ABHD6: variants seen among roughly 807,000 people sequenced by gnomAD.
ABHD6 encodes abhydrolase domain containing 6, acylglycerol lipase.
In ABHD6, 33 loss-of-function variants were observed where a neutral mutation model predicts 38.8. The observed-to-expected ratio is 0.85, with a 90% CI of 0.64 to 1.14. The LOEUF is 1.14. Among genes scored for constraint, ABHD6 ranks in the 50% most tolerant of loss-of-function variants. The pLI is 0.00. For missense variants in ABHD6, 380 were observed against 422.6 expected (o/e 0.90, Z 0.88); for synonymous variants, 147 against 161.6 (o/e 0.91, Z 0.69).
At chr3:58,281,853 T>C (rs1227067422) in intron 7 of ABHD6, among the ~76,000 whole-genome samples, 1 of 152,224 alleles carries the variant, frequency 6.6e-6, no homozygotes, top group Non-Finnish European at 1.5e-5. Flanking sequence ...CGGTGGTTCA[T>C]GCCTGTAATC....
intron 2 of ABHD6, 33 bp downstream of exon 2, chr3:58,249,975 C>T (rs904079048): frequency 6.6e-6 from 1 of 152,096 alleles, no homozygotes; most frequent in Non-Finnish European, 1.5e-5. Context: ...ATAGATTTCC[C>T]CCAAAAGGCA....
Position 58,285,572 on chromosome 3 carries a change from G to C in ABHD6, c.837+119G>C, listed in dbSNP as rs935364300. The C allele has an allele frequency of 4.6e-6, 4 of 861,968 alleles. No homozygotes were observed. Among genetic ancestry groups the C allele is most frequent in the Non-Finnish European group, 7.6e-6 (4 of 528,610 alleles). 53.4% of individuals were successfully genotyped at this position (861,968 alleles called of 1,614,324 possible). A position where few individuals can be genotyped will look rare whatever the true frequency, so the allele number is the denominator to read the frequency against. On this transcript the variant is annotated intron_variant, in intron 9 of 9. Coordinates refer to ENST00000478253, the MANE Select transcript of ABHD6 (RefSeq NM_001320126.2). The surrounding 1 kb of genome is among the most constrained non-coding windows in gnomAD (Gnocchi z 4.9). ...GAGCTGATCGCTGCTGTCAGGAAGA[G>C]GGGGAAGGCACCTGTGTTGGGTGCC...
chr3:58,280,953 T>C (rs2097452722), intron 7 of ABHD6, among the ~76,000 whole-genome samples: 1 of 152,156 alleles, frequency 6.6e-6, no homozygotes, highest in Non-Finnish European at 1.5e-5. Flanking sequence ...TGCTGCCTGA[T>C]CCTTCCTCTG....
At chr3:58,288,216 A>G (rs1034508591) in intron 9 of ABHD6, among the ~76,000 whole-genome samples, 1 of 152,092 alleles carries the variant, frequency 6.6e-6, no homozygotes, top group African/African-American at 2.4e-5. Flanking sequence ...CTGCTCTGTC[A>G]TCAACATTTG....
intron 3 of ABHD6, among the ~76,000 whole-genome samples, chr3:58,261,626 T>C (rs1302549392): frequency 6.6e-6 from 1 of 152,124 alleles, no homozygotes; most frequent in Non-Finnish European, 1.5e-5. Context: ...GGGATTACAG[T>C]TGTGAGCCAC....
intron 5 of ABHD6, among the ~76,000 whole-genome samples, chr3:58,270,589 A>T (rs2097444160): frequency 6.6e-6 from 1 of 151,788 alleles, no homozygotes; most frequent in African/African-American, 2.4e-5. Flanking sequence ...TGGGAGGATC[A>T]CCTGAGCCCC....
At chr3:58,250,204 G>C (rs548192039) in intron 2 of ABHD6, among the ~76,000 whole-genome samples, 2 of 152,272 alleles carry the variant, frequency 1.3e-5, no homozygotes, top group African/African-American at 4.8e-5. Flanking sequence ...GAGTCTGGAA[G>C]GCATGGGTTC....
intron 3 of ABHD6, among the ~76,000 whole-genome samples, chr3:58,258,976 G>A (rs1449578907): frequency 1.3e-5 from 2 of 152,158 alleles, no homozygotes; most frequent in African/African-American, 2.4e-5. Flanking sequence ...GTGCTTTGTG[G>A]GCTAAGGCTC....
chr3:58,277,870 T>G (rs1258608729), intron 7 of ABHD6, among the ~76,000 whole-genome samples: 1 of 152,254 alleles, frequency 6.6e-6, no homozygotes, highest in Non-Finnish European at 1.5e-5. Flanking sequence ...GAGATAATCA[T>G]GTGGTGTTTG....
In ABHD6 at chr3:58,263,069, G is replaced by A. The variant is rs186291738; in HGVS notation, c.120-4120G>A. Among the ~76,000 whole-genome samples the A allele has an allele frequency of 5.1e-4, 77 of 152,308 alleles. No homozygotes were observed. The highest frequency in any genetic ancestry group is 1.8e-3 in the African/African-American group (76 of 41,560). ...CTACAAATACGAAAATTAGCCAGGC[G>A]TGGTGGCACGCGCCTGTAGTCCCAG... On this transcript the variant is annotated intron_variant, in intron 3 of 9. Coordinates refer to ENST00000478253, the MANE Select transcript of ABHD6 (RefSeq NM_001320126.2). The surrounding 1 kb of genome is among the most constrained non-coding windows in gnomAD (Gnocchi z 4.9).
intron 7 of ABHD6, among the ~76,000 whole-genome samples, chr3:58,277,658 T>C (rs1262637969): frequency 6.6e-6 from 1 of 152,024 alleles, no homozygotes; most frequent in Non-Finnish European, 1.5e-5. Context: ...TGAATAGGAG[T>C]GGTGAGAGAG....
chr3:58,262,412 G>A (rs912318777), intron 3 of ABHD6, among the ~76,000 whole-genome samples: 19 of 152,178 alleles, frequency 1.2e-4, no homozygotes, highest in African/African-American at 3.9e-4. Context: ...TGAGGACTCT[G>A]GGCTCCAGGA....
intron 7 of ABHD6, among the ~76,000 whole-genome samples, chr3:58,284,746 C>T (rs529459737): frequency 3.0e-4 from 45 of 152,190 alleles, no homozygotes; most frequent in Non-Finnish European, 3.8e-4. Context: ...CCACCATGCC[C>T]GGCCCATCCT....
intron 7 of ABHD6, among the ~76,000 whole-genome samples, chr3:58,275,283 CAG>C (rs1349184027): frequency 6.8e-5 from 10 of 147,256 alleles, no homozygotes; most frequent in Admixed American, 3.4e-4. Context: ...GGGGCTAAAT[CAG>C]AGATACTCAA....
intron 1 of ABHD6, among the ~76,000 whole-genome samples, chr3:58,248,681 A>G (rs2107422246): frequency 6.6e-6 from 1 of 152,332 alleles, no homozygotes; most frequent in East Asian, 1.9e-4. Flanking sequence ...CTGGGCAACA[A>G]GAGCGAAACT....
rs556525268 is a variant in ABHD6, at chr3:58,263,331, A to C, written c.120-3858A>C. On this transcript the variant is annotated intron_variant, in intron 3 of 9. Coordinates refer to ENST00000478253, the MANE Select transcript of ABHD6 (RefSeq NM_001320126.2). The surrounding 1 kb of genome is among the most constrained non-coding windows in gnomAD (Gnocchi z 4.9). ...CTTGAACCCGGGAGGTGGAGGTTGC[A>C]GTGAACTGAGATTGCGCCACTGCAC... is the stretch of plus-strand genomic sequence containing the variant. Among the ~76,000 whole-genome samples, 1 of 152,156 alleles carries C rather than the reference A, an allele frequency of 6.6e-6. No individual in the cohort carries two copies. Among genetic ancestry groups the C allele is most frequent in the African/African-American group, 2.4e-5 (1 of 41,528 alleles).
At chr3:58,248,685 C>T (rs1257327323) in intron 1 of ABHD6, among the ~76,000 whole-genome samples, 2 of 151,634 alleles carry the variant, frequency 1.3e-5, no homozygotes, top group Non-Finnish European at 2.9e-5. Context: ...GCAACAAGAG[C>T]GAAACTCTAT....
chr3:58,275,064 A>G (rs146741371), intron 7 of ABHD6, among the ~76,000 whole-genome samples: 184 of 152,306 alleles, frequency 1.2e-3, no homozygotes, highest in African/African-American at 4.3e-3. Flanking sequence ...ACAAGTAAAC[A>G]ATGAACTACC....
intron 2 of ABHD6, among the ~76,000 whole-genome samples, chr3:58,253,188 T>TGCCTTCATTTCGGGGCTATC (rs1451203562): frequency 1.3e-5 from 2 of 151,452 alleles, no homozygotes; most frequent in African/African-American, 2.4e-5. Context: ...TTGATGATCA[T>TGCCTTCATTTCGGGGCTATC]GCCTTCATTT....
Sources: allele counts gnomAD v4.1 joint callset (sites outside exome capture counted in the v4.1 genomes callset), GRCh38; gene constraint gnomAD v4.1.1; non-coding constraint Gnocchi (gnomAD v3.1); transcripts MANE v1.5; gene names NCBI Gene and HGNC (gene_info 2026-07-23, HGNC 2026-07-21).